MGAT4C: variants seen among roughly 807,000 people sequenced by gnomAD.
MGAT4C encodes the protein MGAT4 family member C.
In MGAT4C, 19 loss-of-function variants were observed where a neutral mutation model predicts 40.1. The ratio of observed to expected loss-of-function variants is 0.47; its 90% CI spans 0.33 to 0.70. The LOEUF (loss-of-function observed/expected upper bound fraction) is 0.70. Among genes scored for constraint, MGAT4C ranks in the 30% least tolerant of loss-of-function variants. MGAT4C has a pLI of 0.02. For synonymous variants in MGAT4C, 181 were observed against 187.1 expected (o/e 0.97, Z 0.27); for missense variants, 491 against 563.2 (o/e 0.87, Z 1.30).
chr12:86,566,217 G>T (rs917232175), intron 2 of MGAT4C, among the ~76,000 whole-genome samples: 1 of 151,998 alleles, frequency 6.6e-6, no homozygotes, highest in Non-Finnish European at 1.5e-5. Context: ...CTGTGATGGT[G>T]TTGCCAAAGG....
chr12:86,116,424 A>AT (rs200368634), intron 1 of MGAT4C, among the ~76,000 whole-genome samples: 14 of 151,572 alleles, frequency 9.2e-5, no homozygotes, highest in South Asian at 6.3e-4. Flanking sequence ...CAGATTAGAG[A>AT]TTTTTTTTTA....
At chr12:86,098,230 C>T (rs1874304311) in intron 1 of MGAT4C, among the ~76,000 whole-genome samples, 2 of 151,640 alleles carry the variant, frequency 1.3e-5, no homozygotes, top group African/African-American at 2.4e-5. Context: ...TATGTGGCCT[C>T]TCAGCAATTT....
At chr12:86,791,315 C>T (rs1952016499) in intron 1 of MGAT4C, among the ~76,000 whole-genome samples, 1 of 152,056 alleles carries the variant, frequency 6.6e-6, no homozygotes, top group South Asian at 2.1e-4. Flanking sequence ...TTGAGGTTCC[C>T]ATGATATATC....
chr12:86,569,111 G>A (rs1399821558), intron 2 of MGAT4C, among the ~76,000 whole-genome samples: 2 of 151,998 alleles, frequency 1.3e-5, no homozygotes, highest in South Asian at 4.1e-4. Flanking sequence ...TATTCTTCAG[G>A]AGAATAGTCT....
chr12:86,808,957 CA>C (rs1312442881), intron 1 of MGAT4C, among the ~76,000 whole-genome samples: 2 of 152,004 alleles, frequency 1.3e-5, no homozygotes, highest in Admixed American at 6.6e-5. Flanking sequence ...AGTCAAAGTG[CA>C]AAAGTCACAA....
At chr12:86,543,771 A>G (rs1959179773) in intron 2 of MGAT4C, among the ~76,000 whole-genome samples, 1 of 151,472 alleles carries the variant, frequency 6.6e-6, no homozygotes, top group South Asian at 2.1e-4. Context: ...AGTGACTTAA[A>G]ACAATGAATC....
chr12:86,792,870 G>T (rs1367206492), intron 1 of MGAT4C, among the ~76,000 whole-genome samples: 1 of 152,162 alleles, frequency 6.6e-6, no homozygotes, highest in East Asian at 1.9e-4. Context: ...GGCAGAGGTT[G>T]CAGTGAGCTG....
chr12:86,148,189 C>G (rs1268935349), intron 1 of MGAT4C, among the ~76,000 whole-genome samples: 1 of 152,126 alleles, frequency 6.6e-6, no homozygotes, highest in African/African-American at 2.4e-5. Context: ...AAAATTTGTG[C>G]TCCTTAGAGA....
intron 1 of MGAT4C, among the ~76,000 whole-genome samples, chr12:86,807,834 A>G (rs1259320245): frequency 6.6e-6 from 1 of 152,054 alleles, no homozygotes; most frequent in East Asian, 1.9e-4. Context: ...CTGGCATGAT[A>G]TGGTATCTCA....
At chr12:86,300,327 G>C (rs1592667836) in intron 4 of MGAT4C, among the ~76,000 whole-genome samples, 1 of 152,222 alleles carries the variant, frequency 6.6e-6, no homozygotes, top group East Asian at 1.9e-4. Context: ...CTGGTTGTCA[G>C]CTTCTGACCA....
At chr12:86,612,739 C>CAAAAAAAA (rs767088175) in intron 2 of MGAT4C, among the ~76,000 whole-genome samples, 1 of 58,700 alleles carries the variant, frequency 1.7e-5, no homozygotes, top group African/African-American at 5.4e-5. Flanking sequence ...GACTCTGTCT[C>CAAAAAAAA]AAAAAAAAAA....
chr12:86,455,271 G>A (rs1957490960), intron 2 of MGAT4C, among the ~76,000 whole-genome samples: 1 of 151,982 alleles, frequency 6.6e-6, no homozygotes, highest in South Asian at 2.1e-4. Context: ...ACAATTCTCT[G>A]TCTTTCCAAA....
intron 3 of MGAT4C, among the ~76,000 whole-genome samples, chr12:86,433,293 CAT>C (rs1384157276): frequency 2.0e-5 from 3 of 151,062 alleles, no homozygotes; most frequent in Non-Finnish European, 3.0e-5. Flanking sequence ...AAATGATATA[CAT>C]ATATATGTAT....
At chr12:86,560,877 C>CT (rs1390077712) in intron 2 of MGAT4C, among the ~76,000 whole-genome samples, 1 of 152,004 alleles carries the variant, frequency 6.6e-6, no homozygotes, top group African/African-American at 2.4e-5. Context: ...AAAACAAAAT[C>CT]TTATATAAAG....
chr12:86,764,637 T>G (rs1421216765), intron 1 of MGAT4C, among the ~76,000 whole-genome samples: 1 of 150,288 alleles, frequency 6.7e-6, no homozygotes, highest in Non-Finnish European at 1.5e-5. Context: ...GACTGACACC[T>G]CACACGGCCG....
intron 2 of MGAT4C, among the ~76,000 whole-genome samples, chr12:86,460,081 A>T (rs2136294686): frequency 6.6e-6 from 1 of 152,060 alleles, no homozygotes; most frequent in Middle Eastern, 3.4e-3. Flanking sequence ...CGTTGGTGTG[A>T]TGGTGCCCAC....
chr12:86,767,283 T>A (rs1951529409), intron 1 of MGAT4C, among the ~76,000 whole-genome samples: 2 of 152,198 alleles, frequency 1.3e-5, no homozygotes, highest in South Asian at 4.1e-4. Flanking sequence ...GATAAATTCC[T>A]CGACACATAA....
intron 2 of MGAT4C, among the ~76,000 whole-genome samples, chr12:86,031,959 A>ATCTGT (rs1890794577): frequency 6.6e-6 from 1 of 151,670 alleles, no homozygotes; most frequent in Admixed American, 6.6e-5. Context: ...TTGTTCTCTT[A>ATCTGT]TCTGTGTCCA....
chr12:86,589,687 A>T (rs1961238944), intron 2 of MGAT4C, among the ~76,000 whole-genome samples: 1 of 152,078 alleles, frequency 6.6e-6, no homozygotes, highest in Non-Finnish European at 1.5e-5. Flanking sequence ...CCAGCAGCAC[A>T]TCAAAAAGCT....
Sources: allele counts gnomAD v4.1 joint callset (sites outside exome capture counted in the v4.1 genomes callset), GRCh38; gene constraint gnomAD v4.1.1; transcripts MANE v1.5; gene names NCBI Gene and HGNC (gene_info 2026-07-23, HGNC 2026-07-21).